The following PROM1 variants were observed in gnomAD, a reference collection of about 807,000 sequenced individuals.
PROM1 encodes the protein prominin-1.
A neutral mutation model predicts 116.9 loss-of-function variants in PROM1; 105 were observed. That is an observed-to-expected ratio of 0.90 (90% CI 0.77 to 1.06). The LOEUF is 1.06. Ranked by LOEUF, PROM1 falls within the 50% of genes least tolerant of loss-of-function variation. The pLI is 0.00. For synonymous variants in PROM1, 393 were observed against 387.0 expected (o/e 1.02, Z -0.18); for missense variants, 1,122 against 1,045.2 (o/e 1.07, Z -1.01).
intron 2 of PROM1, among the ~76,000 whole-genome samples, chr4:16,053,372 C>T (rs1362052170): frequency 6.6e-6 from 1 of 152,218 alleles, no homozygotes; most frequent in African/African-American, 2.4e-5. Flanking sequence ...TAATTTTCCT[C>T]GTTTATCAAG....
chr4:15,984,518 C>T (rs1478938761), intron 22 of PROM1, among the ~76,000 whole-genome samples, 163 bp from the exon 23 acceptor site: 2 of 152,182 alleles, frequency 1.3e-5, no homozygotes, highest in South Asian at 2.1e-4. Flanking sequence ...CAGCTAGTAC[C>T]GGTCCACAGC....
rs1012374414 is a variant in PROM1 at position 15,979,443 on chromosome 4, C to A, written c.2534G>T (p.Gly845Val). Residue 845 changes from glycine (G) to valine (V), a missense_variant, in exon 26 of 28, where the codon GGT becomes GTT. Coordinates refer to ENST00000447510, the MANE Select transcript of PROM1 (RefSeq NM_006017.3). Reference protein sequence around the residue: ...PMKNMENGNNGYHKDHVYGIH... With the variant: ...PMKNMENGNNVYHKDHVYGIH... The stretch of plus-strand genomic sequence containing the variant: ...ACCATATACATGATCTTTATGATAA[C>A]CATTATTACCATTTTCCATACTGTA... 3.7e-6 allele frequency: 6 copies of A among 1,610,786 alleles called. No individual in the cohort carries two copies. Among genetic ancestry groups the A allele is most frequent in the Non-Finnish European group, 2.5e-6 (3 of 1,178,550 alleles).
At position 16,000,583 on chromosome 4, in the gene PROM1, C is replaced by A. The variant is rs200520976; in HGVS notation, c.1491G>T (p.Leu497Phe). 159 of 1,582,938 alleles carry A rather than the reference C, an allele frequency of 1.0e-4. 1 individual carries two copies. In the African/African-American group the frequency reaches 2.0e-3, roughly 20 times the overall value. The change falls in exon 14 of 28, where the codon TTG (leucine) becomes TTT (phenylalanine). Residue 497 changes from leucine (L) to phenylalanine (F), a missense_variant. Leu to Phe is a conservative substitution (Grantham distance 22). Coordinates refer to ENST00000447510, the MANE Select transcript of PROM1 (RefSeq NM_006017.3). The stretch of plus-strand genomic sequence containing the variant: ...CAAAGGTAAGAACCACAATGATCAT[C>A]AATATCCAGCAAAAGAGGAAACTTA... ...VGLSFLFCWI[L>F]MIIVVLTFVF...
At chr4:16,034,484 C>G (rs1027665278) in intron 4 of PROM1, among the ~76,000 whole-genome samples, 1 of 152,170 alleles carries the variant, frequency 6.6e-6, no homozygotes, top group Non-Finnish European at 1.5e-5. Flanking sequence ...CCGACCTTGG[C>G]AGTCCGTGTC....
In PROM1 at chr4:16,075,937, A is replaced by C. The variant is rs760539184; in HGVS notation, c.-31T>G. Reference sequence around the variant, plus strand: ...GCAAGATCCTCCAAACATGAGGTAGAACTTGGTGCCTCCTGCCTCAGAGCT... The same window carrying C: ...GCAAGATCCTCCAAACATGAGGTAGCACTTGGTGCCTCCTGCCTCAGAGCT... On this transcript the variant is annotated 5_prime_UTR_variant, in exon 2 of 28. Transcript: ENST00000447510. 1 of 1,566,528 alleles carries C rather than the reference A, an allele frequency of 6.4e-7. No individual in the cohort carries two copies. The highest frequency in any genetic ancestry group is 1.2e-5 in the South Asian group (1 of 84,442).
At chr4:15,989,560 C>T (rs1720428216) in intron 19 of PROM1, among the ~76,000 whole-genome samples, 172 bp downstream of exon 19, 1 of 152,224 alleles carries the variant, frequency 6.6e-6, no homozygotes, top group South Asian at 2.1e-4. Flanking sequence ...GAATAAGCAG[C>T]AGAGGGAGGT....
rs1286633553 is a variant in PROM1, at chr4:15,992,300, T to C, written c.1859A>G (p.Asp620Gly). The C allele has an allele frequency of 1.2e-6, 2 of 1,613,910 alleles. No individual in the cohort carries two copies. Among genetic ancestry groups the C allele is most frequent in the Admixed American group, 3.3e-5 (2 of 60,012 alleles). The change falls in exon 17 of 28, where the codon GAT (aspartate) becomes GGT (glycine). Residue 620 changes from aspartate to glycine, a missense_variant. Coordinates refer to ENST00000447510, the MANE Select transcript of PROM1 (RefSeq NM_006017.3). ...LGAAGRKNLQ[D>G]FAACGIDRMN... Reference sequence around the variant, plus strand: ...TCTGTCTATTCCACAAGCAGCAAAATCCTGAAGGTTTTTTCTTCCTGCTGC... The same window carrying C: ...TCTGTCTATTCCACAAGCAGCAAAACCCTGAAGGTTTTTTCTTCCTGCTGC...
At chr4:16,063,940 G>A (rs956816848) in intron 2 of PROM1, among the ~76,000 whole-genome samples, 1 of 152,116 alleles carries the variant, frequency 6.6e-6, no homozygotes, top group African/African-American at 2.4e-5. Flanking sequence ...AGTTGTTGGA[G>A]CTGAGTGATG....
At chr4:16,038,773 T>C (rs1734513135) in intron 3 of PROM1, among the ~76,000 whole-genome samples, 173 bp downstream of exon 3, 2 of 152,222 alleles carry the variant, frequency 1.3e-5, no homozygotes. Flanking sequence ...CTTTCTGCTA[T>C]GGTTCAAATG....
chr4:16,044,349 T>A (rs1736020504), intron 2 of PROM1, among the ~76,000 whole-genome samples: 1 of 152,256 alleles, frequency 6.6e-6, no homozygotes, highest in Non-Finnish European at 1.5e-5. Context: ...AGTAGATTTA[T>A]CAGATTTGTG....
chr4:15,968,562 C>T lies in PROM1; in HGVS notation c.*831G>A, dbSNP rs1017913356. ...TGATGATACTCATGTTAGCTGCACT[C>T]CAATTAATGTTTATCGTAATGCAAC... On this transcript the variant is annotated 3_prime_UTR_variant, in exon 28 of 28. Coordinates refer to ENST00000447510, the MANE Select transcript of PROM1 (RefSeq NM_006017.3). 49 of 152,228 alleles carry T rather than the reference C, an allele frequency of 3.2e-4. No individual in the cohort carries two copies. Among genetic ancestry groups the T allele is most frequent in the African/African-American group, 1.1e-3 (44 of 41,458 alleles). The allele number at this position is 152,228 out of a possible 1,614,324, so 9.4% of individuals were successfully genotyped here.
At chr4:16,046,110 C>T (rs140951745) in intron 2 of PROM1, among the ~76,000 whole-genome samples, 233 of 152,250 alleles carry the variant, frequency 1.5e-3, no homozygotes, top group African/African-American at 5.2e-3. Context: ...GTAGAATCTC[C>T]AAGAGTTATG....
At chr4:16,077,205 G>A (rs1242139245) in intron 1 of PROM1, among the ~76,000 whole-genome samples, 1 of 152,206 alleles carries the variant, frequency 6.6e-6, no homozygotes, top group Non-Finnish European at 1.5e-5. Context: ...TATAAAACCC[G>A]ATTGTATGTT....
chr4:16,032,476 T>C (rs918429907), intron 5 of PROM1, among the ~76,000 whole-genome samples: 3 of 152,200 alleles, frequency 2.0e-5, no homozygotes, highest in Admixed American at 1.3e-4. Flanking sequence ...GTGTGGTGTT[T>C]GGAGAAACAA....
chr4:16,032,708 A>T (rs1733001535), intron 5 of PROM1, among the ~76,000 whole-genome samples: 1 of 152,224 alleles, frequency 6.6e-6, no homozygotes, highest in Non-Finnish European at 1.5e-5. Flanking sequence ...CTGATCTGCC[A>T]GTCAACTGGA....
chr4:16,052,898 T>G (rs1220706597), intron 2 of PROM1, among the ~76,000 whole-genome samples: 1 of 152,222 alleles, frequency 6.6e-6, no homozygotes, highest in Non-Finnish European at 1.5e-5. Flanking sequence ...ACCCACATTG[T>G]TAATTTCACC....
Position 15,968,812 on chromosome 4 carries a change from T to C in PROM1, c.*581A>G, listed in dbSNP as rs942600488. On this transcript the variant is annotated 3_prime_UTR_variant, in exon 28 of 28. Coordinates refer to ENST00000447510, the MANE Select transcript of PROM1 (RefSeq NM_006017.3). ...AAATCTCTGCGTGAAGAATATGCTG[T>C]AGGTTTCACACACTTTTAGTGAAAA... The C allele has an allele frequency of 3.3e-5, 5 of 152,220 alleles. No homozygotes were observed. The highest frequency in any genetic ancestry group is 7.3e-5 in the Non-Finnish European group (5 of 68,028). 9.4% of individuals were successfully genotyped at this position (152,220 alleles called of 1,614,324 possible).
chr4:15,984,243 T>C lies in PROM1; in HGVS notation c.2373+20A>G, dbSNP rs538882593. ...AGATGATGGATTCATTGTGTCTTCTTTTGAAAGATGAAATCTTACCAAGGG... is the reference window on the plus strand; with the variant it reads ...AGATGATGGATTCATTGTGTCTTCTCTTGAAAGATGAAATCTTACCAAGGG... On this transcript the variant is annotated intron_variant, in intron 23 of 27. Transcript: ENST00000447510. 1.3e-6 allele frequency: 2 copies of C among 1,534,098 alleles called. No homozygotes were observed. Among genetic ancestry groups the C allele is most frequent in the East Asian group, 2.3e-5 (1 of 44,002 alleles).
rs2149113052 is a variant in PROM1, at chr4:15,991,226, C to T, written c.1979G>A (p.Ser660Asn). The T allele has an allele frequency of 6.2e-7, 1 of 1,607,736 alleles. No individual in the cohort carries two copies. The highest frequency in any genetic ancestry group is 8.5e-7 in the Non-Finnish European group (1 of 1,177,170). Residue 660 changes from serine (S) to asparagine (N), a missense_variant, in exon 18 of 28, where the codon AGT (serine) becomes AAT (asparagine). Coordinates refer to ENST00000447510, the MANE Select transcript of PROM1 (RefSeq NM_006017.3). ...AACCGGACGATTTGAACTCACCAAA[C>T]TGTTTGCTTTTGCTTCTAGATCATA... ...FAYDLEAKAN[S>N]LPPGNLRNSL...
Sources: gnomAD v4.1 joint callset for allele counts (sites outside exome capture counted in the v4.1 genomes callset) on GRCh38, gnomAD v4.1.1 for gene constraint, MANE v1.5 for transcripts, NCBI Gene and HGNC (gene_info 2026-07-23, HGNC 2026-07-21) for gene names.